Variants in SGCZ observed in about 807,000 individuals in gnomAD.
SGCZ encodes the protein zeta-sarcoglycan.
Under a neutral mutation model 41.3 loss-of-function variants are expected in SGCZ, and 40 were observed. That is an observed-to-expected ratio of 0.97 (90% confidence interval 0.75 to 1.26). The LOEUF (loss-of-function observed/expected upper bound fraction) is 1.26, where lower values mean the gene tolerates loss of function less well. SGCZ is among the 50% of genes most tolerant of loss of function. The pLI, the probability that SGCZ is intolerant of heterozygous loss-of-function variation, is 0.00. For missense variants in SGCZ, 552 were observed against 369.8 expected (o/e 1.49, Z -4.04); for synonymous variants, 206 against 137.5 (o/e 1.50, Z -3.49).
At chr8:14,938,966 G>C (rs1351414) in intron 1 of SGCZ, among the ~76,000 whole-genome samples, 5,825 of 152,110 alleles carry the variant, frequency 0.038, 349 homozygotes, top group African/African-American at 0.13. Context: ...CTAAGCCCAA[G>C]ACTGCCTCAG....
chr8:15,093,876 G>C (rs73665383), intron 1 of SGCZ, among the ~76,000 whole-genome samples: 1,616 of 152,240 alleles, frequency 0.011, 25 homozygotes, highest in African/African-American at 0.036. Flanking sequence ...TAATAAAACA[G>C]TATCATTTAT....
intron 2 of SGCZ, among the ~76,000 whole-genome samples, chr8:14,437,085 G>A (rs1800114871): frequency 6.6e-6 from 1 of 152,020 alleles, no homozygotes. Flanking sequence ...ATTAGCATGT[G>A]ATTTTTATAT....
intron 2 of SGCZ, among the ~76,000 whole-genome samples, chr8:14,451,162 C>G (rs1800581926): frequency 6.6e-6 from 1 of 152,120 alleles, no homozygotes; most frequent in South Asian, 2.1e-4. Flanking sequence ...ATATATAAAC[C>G]AGCCTCTCTC....
intron 3 of SGCZ, among the ~76,000 whole-genome samples, chr8:14,254,872 G>T (rs934357754): frequency 6.6e-6 from 1 of 152,076 alleles, no homozygotes; most frequent in Non-Finnish European, 1.5e-5. Context: ...TTCACATTCT[G>T]CACTGTACAA....
intron 1 of SGCZ, among the ~76,000 whole-genome samples, chr8:15,029,743 A>G (rs1230142304): frequency 6.6e-6 from 1 of 152,130 alleles, no homozygotes; most frequent in African/African-American, 2.4e-5. Context: ...ATTTTTGATT[A>G]TACTTTCTCT....
At chr8:14,567,416 C>T (rs879815431) in intron 1 of SGCZ, among the ~76,000 whole-genome samples, 3 of 152,118 alleles carry the variant, frequency 2.0e-5, no homozygotes, top group Non-Finnish European at 4.4e-5. Flanking sequence ...CACTCTTTAT[C>T]TAGCTAATCT....
In SGCZ at chr8:15,230,028, G is replaced by T. The variant is rs141193717; in HGVS notation, c.39+7557C>A. 5.1e-3 allele frequency among the ~76,000 whole-genome samples: 782 copies of T among 152,248 alleles called. 16 individuals carry two copies. Among genetic ancestry groups the T allele is most frequent in the East Asian group, 0.037 (193 of 5,172 alleles). ...CTTAGCTCTTATAGATTTAAAGTTT[G>T]CATTTTTAACTATTTTGAAGTAAAC... On this transcript the variant is annotated intron_variant, in intron 1 of 7. Transcript: ENST00000382080.
chr8:14,767,286 G>GA (rs1438234273), intron 1 of SGCZ, among the ~76,000 whole-genome samples: 1 of 152,144 alleles, frequency 6.6e-6, no homozygotes, highest in Non-Finnish European at 1.5e-5. Flanking sequence ...GTAGGTGACT[G>GA]AATCACAGGA....
At chr8:15,143,613 T>C (rs1463973506) in intron 1 of SGCZ, among the ~76,000 whole-genome samples, 3 of 152,228 alleles carry the variant, frequency 2.0e-5, no homozygotes, top group Non-Finnish European at 2.9e-5. Flanking sequence ...GTTTAACCCA[T>C]CTATTAACAC....
At position 14,919,197 on chromosome 8, in the gene SGCZ, G is replaced by A. The variant is rs139336422; in HGVS notation, c.39+318388C>T. On this transcript the variant is annotated intron_variant, in intron 1 of 7. Coordinates refer to ENST00000382080, the MANE Select transcript of SGCZ (RefSeq NM_139167.4). ...CTCAAGCCTGTAACCCCCGCACTTT[G>A]GGAGGCCGAGGCAGGTGGATTGCCT... Among the ~76,000 whole-genome samples, 372 of 152,280 alleles carry A rather than the reference G, an allele frequency of 2.4e-3. 1 individual carries two copies. The highest frequency in any genetic ancestry group is 8.5e-3 in the African/African-American group (355 of 41,546).
intron 2 of SGCZ, among the ~76,000 whole-genome samples, chr8:14,538,728 G>T (rs927112211): frequency 6.6e-6 from 1 of 151,904 alleles, no homozygotes; most frequent in South Asian, 2.1e-4. Context: ...TGTAAGTGAG[G>T]CAGAAGAGTT....
At chr8:15,098,053 C>T (rs1806453896) in intron 1 of SGCZ, among the ~76,000 whole-genome samples, 1 of 151,588 alleles carries the variant, frequency 6.6e-6, no homozygotes, top group East Asian at 1.9e-4. Context: ...TAAGCTTTAA[C>T]TCACGACTTG....
At chr8:15,212,551 T>A (rs1443118181) in intron 1 of SGCZ, among the ~76,000 whole-genome samples, 1 of 152,156 alleles carries the variant, frequency 6.6e-6, no homozygotes, top group Non-Finnish European at 1.5e-5. Context: ...ACCATTTCAG[T>A]ATATATTCTG....
At chr8:14,684,434 T>A (rs914486021) in intron 1 of SGCZ, among the ~76,000 whole-genome samples, 5 of 152,266 alleles carry the variant, frequency 3.3e-5, no homozygotes, top group Non-Finnish European at 7.4e-5. Context: ...TCACTAATAT[T>A]TTTGGCTTCT....
intron 1 of SGCZ, among the ~76,000 whole-genome samples, chr8:15,146,272 T>G (rs931412428): frequency 6.6e-6 from 1 of 152,212 alleles, no homozygotes; most frequent in African/African-American, 2.4e-5. Context: ...ATGCCTACCG[T>G]TGATTTTCGT....
chr8:14,915,786 G>A lies in SGCZ; in HGVS notation c.39+321799C>T, dbSNP rs185592958. ...TTTTTGGAGGTGTCTCTCTGGAAAG[G>A]AATTGCTCTCCTCTCTCCGTTCTTC... On this transcript the variant is annotated intron_variant, in intron 1 of 7. Transcript: ENST00000382080. 5.9e-5 allele frequency among the ~76,000 whole-genome samples: 9 copies of A among 152,144 alleles called. No homozygotes were observed. In the South Asian group the frequency reaches 1.9e-3, roughly 32 times the overall value.
intron 5 of SGCZ, among the ~76,000 whole-genome samples, chr8:14,109,887 T>G (rs1246660064): frequency 6.6e-6 from 1 of 152,164 alleles, no homozygotes; most frequent in Non-Finnish European, 1.5e-5. Flanking sequence ...ATTACAGATT[T>G]CTGTTTATAA....
At chr8:14,807,719 G>A (rs1801591259) in intron 1 of SGCZ, among the ~76,000 whole-genome samples, 1 of 151,640 alleles carries the variant, frequency 6.6e-6, no homozygotes, top group South Asian at 2.1e-4. Context: ...TCACAGAATT[G>A]GAAAAAACTA....
At chr8:14,610,591 T>C (rs977692286) in intron 1 of SGCZ, among the ~76,000 whole-genome samples, 4 of 152,190 alleles carry the variant, frequency 2.6e-5, no homozygotes, top group African/African-American at 7.2e-5. Flanking sequence ...TGATGTCATC[T>C]TAATTCTCAG....
Sources: allele counts gnomAD v4.1 joint callset (sites outside exome capture counted in the v4.1 genomes callset), GRCh38; gene constraint gnomAD v4.1.1; transcripts MANE v1.5; gene names NCBI Gene and HGNC (gene_info 2026-07-23, HGNC 2026-07-21).